Variants in CNTNAP2 observed in about 807,000 individuals in gnomAD.
CNTNAP2 encodes contactin-associated protein-like 2.
In CNTNAP2, 98 loss-of-function variants were observed where a neutral mutation model predicts 155.2. The ratio of observed to expected loss-of-function variants is 0.63; its 90% CI spans 0.54 to 0.75. The LOEUF (loss-of-function observed/expected upper bound fraction) is 0.75. CNTNAP2 is among the 30% of genes least tolerant of loss of function. CNTNAP2 has a pLI of 0.00. For missense variants in CNTNAP2, 1,727 were observed against 1,688.1 expected, an observed-to-expected ratio of 1.02 and a Z score of -0.40; for synonymous variants, 651 against 631.2, an observed-to-expected ratio of 1.03 and a Z score of -0.47.
intron 21 of CNTNAP2, among the ~76,000 whole-genome samples, chr7:148,373,480 G>A (rs1262428872): frequency 6.6e-6 from 1 of 152,026 alleles, no homozygotes; most frequent in Non-Finnish European, 1.5e-5. Context: ...CAAAAAAGAA[G>A]TATACTCTAA....
At chr7:147,644,393 G>T (rs924966987) in intron 13 of CNTNAP2, among the ~76,000 whole-genome samples, 1 of 152,214 alleles carries the variant, frequency 6.6e-6, no homozygotes, top group South Asian at 2.1e-4. Context: ...GGCCAAGGCA[G>T]GTGGATCACT....
chr7:147,426,348 T>G (rs1347362757), intron 10 of CNTNAP2, among the ~76,000 whole-genome samples: 1 of 152,154 alleles, frequency 6.6e-6, no homozygotes, highest in Non-Finnish European at 1.5e-5. Context: ...GTGTGTGTGT[T>G]TGTTTGTATC....
intron 1 of CNTNAP2, among the ~76,000 whole-genome samples, chr7:146,363,153 G>T (rs1795108548): frequency 6.6e-6 from 1 of 152,088 alleles, no homozygotes; most frequent in East Asian, 1.9e-4. Flanking sequence ...TTTTTCTAAG[G>T]AATCAACATG....
At chr7:147,110,366 T>C (rs936532756) in intron 5 of CNTNAP2, among the ~76,000 whole-genome samples, 2 of 141,034 alleles carry the variant, frequency 1.4e-5, no homozygotes, top group South Asian at 4.2e-4. Flanking sequence ...ACCTTTTTCT[T>C]TTTTTTTTTT....
At chr7:147,330,382 A>G (rs1000233241) in intron 9 of CNTNAP2, among the ~76,000 whole-genome samples, 1 of 152,126 alleles carries the variant, frequency 6.6e-6, no homozygotes, top group Non-Finnish European at 1.5e-5. Flanking sequence ...GTGATAAACC[A>G]CTAGATACAA....
intron 1 of CNTNAP2, among the ~76,000 whole-genome samples, chr7:146,555,317 T>C (rs1252844845): frequency 6.6e-6 from 1 of 152,188 alleles, no homozygotes; most frequent in Non-Finnish European, 1.5e-5. Context: ...ATTAATTAAG[T>C]CATGCATTAG....
At chr7:148,380,846 C>T (rs1730412) in intron 21 of CNTNAP2, among the ~76,000 whole-genome samples, 151,133 of 152,310 alleles carry the variant, frequency 0.99, 74,990 homozygotes, top group Middle Eastern at 1. Flanking sequence ...AAGCAGGATG[C>T]TTCCCTGACC....
intron 1 of CNTNAP2, among the ~76,000 whole-genome samples, chr7:146,379,868 C>A (rs1055392063): frequency 1.3e-5 from 2 of 152,112 alleles, no homozygotes; most frequent in Admixed American, 1.3e-4. Context: ...AAAAAAAAGA[C>A]ACTTCCATAA....
chr7:147,517,121 T>C (rs879320392), intron 11 of CNTNAP2, among the ~76,000 whole-genome samples: 6 of 151,816 alleles, frequency 4.0e-5, no homozygotes, highest in Admixed American at 1.3e-4. Flanking sequence ...CTTCCCTCCA[T>C]GACCTCCCAA....
intron 8 of CNTNAP2, among the ~76,000 whole-genome samples, chr7:147,264,656 CT>C (rs1447915137): frequency 6.6e-6 from 1 of 150,852 alleles, no homozygotes; most frequent in African/African-American, 2.4e-5. Context: ...CCTGGAGCAG[CT>C]GCATCAGAAC....
At chr7:146,608,703 T>A (rs1406351681) in intron 1 of CNTNAP2, among the ~76,000 whole-genome samples, 2 of 152,172 alleles carry the variant, frequency 1.3e-5, no homozygotes, top group South Asian at 4.1e-4. Flanking sequence ...GCACTTCTTC[T>A]GATCAATTGT....
At chr7:146,856,181 C>A (rs772550241) in intron 3 of CNTNAP2, among the ~76,000 whole-genome samples, 8 of 151,552 alleles carry the variant, frequency 5.3e-5, no homozygotes, top group Non-Finnish European at 1.2e-4. Flanking sequence ...GCATTGCACA[C>A]CTTTAGAGAA....
chr7:147,572,371 G>T (rs770466461), intron 12 of CNTNAP2, among the ~76,000 whole-genome samples: 7 of 147,872 alleles, frequency 4.7e-5, no homozygotes, highest in Admixed American at 2.0e-4. Context: ...ACCCAGAAAG[G>T]GGGTACAAGA....
chr7:147,314,349 T>A (rs1487898820), intron 9 of CNTNAP2, among the ~76,000 whole-genome samples: 1 of 152,146 alleles, frequency 6.6e-6, no homozygotes, highest in Non-Finnish European at 1.5e-5. Context: ...TCTTTAATAC[T>A]TTTCCAATCA....
At chr7:147,791,266 C>T (rs1012493444) in intron 13 of CNTNAP2, among the ~76,000 whole-genome samples, 25 of 151,924 alleles carry the variant, frequency 1.6e-4, no homozygotes, top group African/African-American at 5.3e-4. Flanking sequence ...CATTTCTTTC[C>T]AAAATCTATC....
chr7:147,022,897 A>T (rs1798840606), intron 3 of CNTNAP2, among the ~76,000 whole-genome samples: 2 of 152,114 alleles, frequency 1.3e-5, no homozygotes, highest in South Asian at 2.1e-4. Flanking sequence ...GGTCACTTAC[A>T]TCTGTCTAAT....
At position 147,272,585 on chromosome 7, in the gene CNTNAP2, G is replaced by T. The variant is rs189645387; in HGVS notation, c.1349-27556G>T. ...GCCATCTCGGCTCACTGCAAGCTCCGCCTCCCGGGTTCACGCCATTCTCCT... is the reference window on the plus strand; with the variant it reads ...GCCATCTCGGCTCACTGCAAGCTCCTCCTCCCGGGTTCACGCCATTCTCCT... On this transcript the variant is annotated intron_variant, in intron 8 of 23. Coordinates refer to ENST00000361727, the MANE Select transcript of CNTNAP2 (RefSeq NM_014141.6). Among the ~76,000 whole-genome samples the T allele has an allele frequency of 5.7e-4, 87 of 151,914 alleles. No individual in the cohort carries two copies. In the East Asian group the frequency reaches 0.014, roughly 24 times the overall value.
chr7:146,609,351 C>G (rs1799098207), intron 1 of CNTNAP2, among the ~76,000 whole-genome samples: 6 of 152,106 alleles, frequency 3.9e-5, no homozygotes, highest in African/African-American at 1.4e-4. Flanking sequence ...TTTTTTCCAT[C>G]ACAAACAAAT....
rs1395072646 is a variant in CNTNAP2 at position 147,132,236 on chromosome 7, A to G, written c.1084-9A>G. 3.1e-6 allele frequency: 5 copies of G among 1,613,298 alleles called. No homozygotes were observed. Among genetic ancestry groups the G allele is most frequent in the Non-Finnish European group, 4.2e-6 (5 of 1,179,610 alleles). On this transcript the variant is annotated splice_polypyrimidine_tract_variant and intron_variant, in intron 7 of 23. Transcript: ENST00000361727. ...TGTTTTCCTCAGAGCCTGTCTTTCT[A>G]TTTTACAGGGAAATTTGAGCTTTTC...
Sources: gnomAD v4.1 joint callset for allele counts (sites outside exome capture counted in the v4.1 genomes callset) on GRCh38, gnomAD v4.1.1 for gene constraint, MANE v1.5 for transcripts, NCBI Gene and HGNC (gene_info 2026-07-23, HGNC 2026-07-21) for gene names.